DDX10: variants seen among roughly 807,000 people sequenced by gnomAD.
DDX10 encodes the protein probable ATP-dependent RNA helicase DDX10.
Under a neutral mutation model 104.3 loss-of-function variants are expected in DDX10, and 74 were observed. The ratio of observed to expected loss-of-function variants is 0.71; its 90% confidence interval spans 0.59 to 0.86. The LOEUF is 0.86. Among genes scored for constraint, DDX10 ranks in the 40% least tolerant of loss-of-function variants. The pLI is 0.00. For synonymous variants in DDX10, 351 were observed against 353.4 expected (o/e 0.99, Z 0.08); for missense variants, 952 against 1,040.0 (o/e 0.92, Z 1.16).
chr11:108,777,184 A>G (rs2094370965), intron 13 of DDX10, among the ~76,000 whole-genome samples: 2 of 152,198 alleles, frequency 1.3e-5, no homozygotes, highest in African/African-American at 4.8e-5. Flanking sequence ...TAGTCCTTCA[A>G]ATAGTAGATT....
intron 11 of DDX10, among the ~76,000 whole-genome samples, chr11:108,717,742 C>T (rs2094293302): frequency 6.6e-6 from 1 of 152,152 alleles, no homozygotes; most frequent in African/African-American, 2.4e-5. Context: ...TACTGTGTGC[C>T]AGGTACTTAG....
rs2094367809 is a variant in DDX10, at chr11:108,774,826, G to GC, written c.1965+51365dup. Among the ~76,000 whole-genome samples the GC allele has an allele frequency of 5.3e-5, 8 of 152,286 alleles. No homozygotes were observed. The South Asian group carries it at 1.7e-3, about 32-fold the overall frequency. ...TTTGAGGATGGATTTGGGCACACAT[G>GC]CAGCCTCTCTCCTCTCCAGTGAAAA... On this transcript the variant is annotated intron_variant, in intron 13 of 17. Transcript: ENST00000322536.
Position 108,665,353 on chromosome 11 carries a change from T to A in DDX10, c.186+14T>A. The A allele has an allele frequency of 6.4e-7, 1 of 1,553,768 alleles. No individual in the cohort carries two copies. Among genetic ancestry groups the A allele is most frequent in the South Asian group, 1.2e-5 (1 of 83,434 alleles). The stretch of plus-strand genomic sequence containing the variant: ...AACTATGAAAAGGTGAGGCCGGCGC[T>A]GGGGAGGGGGCTCGGGCCGGCCAGC... On this transcript the variant is annotated intron_variant, in intron 1 of 17. Transcript: ENST00000322536.
intron 13 of DDX10, among the ~76,000 whole-genome samples, chr11:108,811,070 C>G (rs1862173309): frequency 6.6e-6 from 1 of 152,150 alleles, no homozygotes; most frequent in Non-Finnish European, 1.5e-5. Context: ...TGTAGGAGAT[C>G]ACTAGATTCT....
In DDX10 at chr11:108,917,862, T is replaced by C; in HGVS notation, c.2305-11T>C. The stretch of plus-strand genomic sequence containing the variant: ...TCTTCAACTGCAGTTTCCCTTATTA[T>C]TATTTTTTAGGCCAAAGATGAAGAG... On this transcript the variant is annotated splice_polypyrimidine_tract_variant and intron_variant, in intron 16 of 17. Transcript: ENST00000322536. The C allele has an allele frequency of 6.2e-7, 1 of 1,607,756 alleles. No individual in the cohort carries two copies. The highest frequency in any genetic ancestry group is 1.1e-5 in the South Asian group (1 of 89,572).
rs183505582 is a variant in DDX10, at chr11:108,876,054, T to G, written c.2304+23845T>G. On this transcript the variant is annotated intron_variant, in intron 16 of 17. Coordinates refer to ENST00000322536, the MANE Select transcript of DDX10 (RefSeq NM_004398.4). ...CTCCGAGAATGTTAGGTTGAATCTT[T>G]GAAAAGTATTAGGTTGAATCTTTAA... 5.9e-5 allele frequency among the ~76,000 whole-genome samples: 9 copies of G among 152,330 alleles called. No individual in the cohort carries two copies. The East Asian group carries it at 1.5e-3, about 26-fold the overall frequency.
intron 16 of DDX10, among the ~76,000 whole-genome samples, chr11:108,909,637 G>A (rs978313828): frequency 6.6e-6 from 1 of 152,176 alleles, no homozygotes; most frequent in Non-Finnish European, 1.5e-5. Flanking sequence ...GTGGGAACCC[G>A]TGAATTTGTA....
chr11:108,735,054 T>G (rs1391007581), intron 13 of DDX10, among the ~76,000 whole-genome samples: 1 of 152,188 alleles, frequency 6.6e-6, no homozygotes, highest in Non-Finnish European at 1.5e-5. Context: ...TTTCAACACT[T>G]TTAAATTGTC....
At chr11:108,838,699 T>TACTGTA in intron 14 of DDX10, 134 bp downstream of exon 14, 1 of 1,005,106 alleles carries the variant, frequency 9.9e-7, no homozygotes, top group Non-Finnish European at 1.4e-6. Flanking sequence ...CTTTCACTGT[T>TACTGTA]ACTGTAGGCT....
At chr11:108,670,463 C>T (rs535391828) in intron 1 of DDX10, among the ~76,000 whole-genome samples, 2 of 152,278 alleles carry the variant, frequency 1.3e-5, no homozygotes, top group African/African-American at 4.8e-5. Context: ...AATTGTCCAT[C>T]AGAGGAATCC....
intron 13 of DDX10, among the ~76,000 whole-genome samples, chr11:108,798,635 G>A (rs1861978207): frequency 6.6e-6 from 1 of 152,090 alleles, no homozygotes; most frequent in African/African-American, 2.4e-5. Context: ...CCTTTTTAAG[G>A]TTGAATATCA....
At chr11:108,817,125 C>T (rs959869177) in intron 13 of DDX10, among the ~76,000 whole-genome samples, 7 of 152,176 alleles carry the variant, frequency 4.6e-5, no homozygotes, top group African/African-American at 1.7e-4. Context: ...GTAGTTGTTT[C>T]ACTTAAATTT....
intron 17 of DDX10, among the ~76,000 whole-genome samples, chr11:108,937,049 C>G (rs926251894): frequency 6.6e-6 from 1 of 152,132 alleles, no homozygotes; most frequent in Admixed American, 6.5e-5. Context: ...GAAGAGCTCA[C>G]TTTTAATAGG....
At chr11:108,821,849 G>A (rs1355379084) in intron 13 of DDX10, among the ~76,000 whole-genome samples, 1 of 152,192 alleles carries the variant, frequency 6.6e-6, no homozygotes, top group Non-Finnish European at 1.5e-5. Context: ...GATTGGCATA[G>A]TTAAGGCCAA....
At chr11:108,844,462 T>C (rs1039953160) in intron 15 of DDX10, among the ~76,000 whole-genome samples, 1 of 152,190 alleles carries the variant, frequency 6.6e-6, no homozygotes, top group African/African-American at 2.4e-5. Flanking sequence ...GGCACAAATA[T>C]GGGCACTCAA....
At chr11:108,693,666 T>C (rs2094255879) in intron 9 of DDX10, 66 bp downstream of exon 9, 2 of 1,261,856 alleles carry the variant, frequency 1.6e-6, no homozygotes, top group South Asian at 2.4e-5. Flanking sequence ...CTTTTCCAAC[T>C]GCAGATAAAC....
chr11:108,754,313 TC>T (rs542735951), intron 13 of DDX10, among the ~76,000 whole-genome samples: 3 of 152,086 alleles, frequency 2.0e-5, no homozygotes, highest in Non-Finnish European at 4.4e-5. Context: ...CCCATCAGTG[TC>T]CTCATAGTAT....
At chr11:108,913,458 T>A (rs1863706469) in intron 16 of DDX10, among the ~76,000 whole-genome samples, 1 of 152,156 alleles carries the variant, frequency 6.6e-6, no homozygotes, top group Admixed American at 6.5e-5. Flanking sequence ...AGCAATCAGA[T>A]AAGCATTTGT....
chr11:108,933,636 T>G (rs1461184681), intron 17 of DDX10, among the ~76,000 whole-genome samples: 3 of 152,224 alleles, frequency 2.0e-5, no homozygotes, highest in Non-Finnish European at 4.4e-5. Context: ...CAATATAATT[T>G]CCCTTCCGCC....
Sources: allele counts gnomAD v4.1 joint callset (sites outside exome capture counted in the v4.1 genomes callset), GRCh38; gene constraint gnomAD v4.1.1; transcripts MANE v1.5; gene names NCBI Gene and HGNC (gene_info 2026-07-23, HGNC 2026-07-21).